LAMA1: variants seen among roughly 807,000 people sequenced by gnomAD.
LAMA1 encodes the protein laminin subunit alpha-1.
Under a neutral mutation model 348.7 loss-of-function variants are expected in LAMA1, and 219 were observed. That is an observed-to-expected ratio of 0.63 (90% CI 0.56 to 0.70). LAMA1 has a LOEUF of 0.70. LAMA1 is among the 30% of genes least tolerant of loss of function. LAMA1 has a pLI of 0.00. For synonymous variants in LAMA1, 1,487 were observed against 1,491.0 expected, an observed-to-expected ratio of 1.00 and a Z score of 0.06; for missense variants, 3,744 against 3,888.0, an observed-to-expected ratio of 0.96 and a Z score of 0.99.
Position 6,942,163 on chromosome 18 carries a change from G to T in LAMA1, c.9144C>A (p.Ser3048Arg), listed in dbSNP as rs2057501353. 6.2e-7 allele frequency: 1 copy of T among 1,614,056 alleles called. No individual in the cohort carries two copies. Among genetic ancestry groups the T allele is most frequent in the South Asian group, 1.1e-5 (1 of 91,092 alleles). ...GCLRKLALIK[S>R]PQVQSFDFSR... ...TGAAGTCAAAGGACTGCACCTGCGG[G>T]CTCTTAATCAGAGCTAGCTTCCTCA... The change falls in exon 63 of 63, where the codon AGC (serine) becomes AGA (arginine). Residue 3048 changes from serine to arginine, a missense_variant. This residue lies in a region of LAMA1 where 232 missense variants were observed against 264.4 expected (regional missense o/e 0.88). Transcript: ENST00000389658.
intron 6 of LAMA1, among the ~76,000 whole-genome samples, chr18:7,045,555 CTTTT>C (rs558156396): frequency 6.6e-6 from 1 of 151,820 alleles, no homozygotes; most frequent in African/African-American, 2.4e-5. Context: ...ACTGTTAAAT[CTTTT>C]TTTTAAATTT....
intron 2 of LAMA1, 40 bp downstream of exon 2, chr18:7,080,247 A>G: frequency 1.2e-6 from 2 of 1,613,402 alleles, no homozygotes; most frequent in Non-Finnish European, 1.7e-6. Flanking sequence ...CAAAGTGTAC[A>G]TTCCCATGGG....
In LAMA1 at chr18:7,015,795, G is replaced by A. The variant is rs767646512; in HGVS notation, c.3053C>T (p.Pro1018Leu). 6.2e-7 allele frequency: 1 copy of A among 1,614,016 alleles called. No homozygotes were observed. Among genetic ancestry groups the A allele is most frequent in the Non-Finnish European group, 8.5e-7 (1 of 1,179,936 alleles). The part of the protein sequence containing the change: ...DPETGECVCP[P>L]HTQGVKCEEC... ...TTCACACTTCACACCCTGTGTGTGA[G>A]GGGGGCAGACACACTCTCCAGTTTC... Residue 1018 changes from proline (P) to leucine (L), a missense_variant, in exon 22 of 63, where the codon CCT becomes CTT. Pro to Leu is a moderately conservative substitution (Grantham distance 98). Around this residue, in one of 3 missense-constraint regions of LAMA1, gnomAD observed 1,529 missense variants for 1,689.4 expected, o/e 0.91. Transcript: ENST00000389658.
intron 46 of LAMA1, among the ~76,000 whole-genome samples, chr18:6,974,127 G>A (rs2057670757): frequency 6.6e-6 from 1 of 152,156 alleles, no homozygotes; most frequent in African/African-American, 2.4e-5. Context: ...CATTCTAAAG[G>A]TAACCTAAGC....
At position 6,964,804 on chromosome 18, in the gene LAMA1, C is replaced by T; in HGVS notation, c.7196-1G>A. Reference sequence around the variant, plus strand: ...TAGGCATCGATAACTGCTAGCACTCCTAAAAGGAGAGCACAGGCAAGAGAT... The same window carrying T: ...TAGGCATCGATAACTGCTAGCACTCTTAAAAGGAGAGCACAGGCAAGAGAT... On this transcript the variant is annotated splice_acceptor_variant, in intron 50 of 62. Transcript: ENST00000389658. LOFTEE classifies it high-confidence loss of function. 1 of 1,614,028 alleles carries T rather than the reference C, an allele frequency of 6.2e-7. No individual in the cohort carries two copies. Among genetic ancestry groups the T allele is most frequent in the Non-Finnish European group, 8.5e-7 (1 of 1,180,012 alleles).
At position 6,950,800 on chromosome 18, in the gene LAMA1, A is replaced by G; in HGVS notation, c.8379T>C (p.Ser2793=). The G allele has an allele frequency of 6.2e-7, 1 of 1,614,058 alleles. No homozygotes were observed. Among genetic ancestry groups the G allele is most frequent in the Non-Finnish European group, 8.5e-7 (1 of 1,179,976 alleles). ...RTKVSHPALL[S]DGKWHTVKTD... ...ATCGTACCGTGTGCCACTTGCCATC[A>G]CTGAGCAGTGCAGGGTGAGAGACCT... The change falls in exon 58 of 63, where the codon AGT becomes AGC. Residue 2793 remains serine, a synonymous_variant. Coordinates refer to ENST00000389658, the MANE Select transcript of LAMA1 (RefSeq NM_005559.4).
At chr18:7,103,595 C>T (rs2058300033) in intron 1 of LAMA1, among the ~76,000 whole-genome samples, 1 of 151,518 alleles carries the variant, frequency 6.6e-6, no homozygotes, top group African/African-American at 2.4e-5. Context: ...TGGTGGATCA[C>T]CTGAGGTCAG....
intron 56 of LAMA1, chr18:6,956,001 T>C (rs923136254): frequency 9.7e-5 from 30 of 309,202 alleles, no homozygotes; most frequent in African/African-American, 6.3e-4. Flanking sequence ...CGGGCTGTCC[T>C]AAGAGTGCCC....
At chr18:6,952,696 T>A (rs1444983005) in intron 57 of LAMA1, among the ~76,000 whole-genome samples, 2 of 152,240 alleles carry the variant, frequency 1.3e-5, no homozygotes, top group African/African-American at 4.8e-5. Flanking sequence ...TGAGATCTCA[T>A]GCCATCCCAC....
chr18:6,974,861 C>A (rs369785738), intron 46 of LAMA1, 42 bp downstream of exon 46: 2 of 1,612,930 alleles, frequency 1.2e-6, no homozygotes, highest in Admixed American at 1.7e-5. Flanking sequence ...ATGAGACACA[C>A]TTTAAAAAAG....
intron 19 of LAMA1, among the ~76,000 whole-genome samples, chr18:7,022,661 C>T (rs1486273686): frequency 6.6e-6 from 1 of 152,188 alleles, no homozygotes; most frequent in African/African-American, 2.4e-5. Context: ...TCCATAATTT[C>T]AAGGATCGAA....
At chr18:7,032,862 C>T in intron 15 of LAMA1, 122 bp downstream of exon 15, 1 of 754,358 alleles carries the variant, frequency 1.3e-6, no homozygotes, top group Non-Finnish European at 2.3e-6. Context: ...CCAAAAAAGA[C>T]TGAGCCAAAC....
chr18:7,079,938 C>G, intron 3 of LAMA1, 37 bp downstream of exon 3: 1 of 1,426,816 alleles, frequency 7.0e-7, no homozygotes, highest in Non-Finnish European at 9.9e-7. Context: ...AGCTCAGCAG[C>G]CTGTAGACAC....
At chr18:7,037,047 T>G (rs776330366) in intron 12 of LAMA1, among the ~76,000 whole-genome samples, 1 of 152,218 alleles carries the variant, frequency 6.6e-6, no homozygotes, top group Admixed American at 6.5e-5. Context: ...ATCACCAGTT[T>G]GCATTTTCTT....
chr18:7,103,306 G>A (rs1355825344), intron 1 of LAMA1, among the ~76,000 whole-genome samples: 1 of 152,132 alleles, frequency 6.6e-6, no homozygotes, highest in African/African-American at 2.4e-5. Context: ...TCGGGAGGCT[G>A]AGGCAGGAGA....
chr18:7,021,466 C>T (rs2057915038), intron 19 of LAMA1, among the ~76,000 whole-genome samples: 1 of 152,028 alleles, frequency 6.6e-6, no homozygotes, highest in African/African-American at 2.4e-5. Context: ...GTTTGAACTA[C>T]CTTTTCAATT....
chr18:7,050,255 C>T (rs538160748), intron 4 of LAMA1, among the ~76,000 whole-genome samples: 2 of 152,270 alleles, frequency 1.3e-5, no homozygotes, highest in East Asian at 3.9e-4. Context: ...TCTCATTATA[C>T]TCTGACTTCA....
chr18:6,969,142 A>C (rs1178010470), intron 48 of LAMA1, among the ~76,000 whole-genome samples: 1 of 151,308 alleles, frequency 6.6e-6, no homozygotes, highest in Non-Finnish European at 1.5e-5. Context: ...CTCCAGATGC[A>C]CTTTTTTTTT....
Position 6,986,237 on chromosome 18 carries a change from T to C in LAMA1, c.5279A>G (p.Glu1760Gly). 6.2e-7 allele frequency: 1 copy of C among 1,614,190 alleles called. No individual in the cohort carries two copies. Among genetic ancestry groups the C allele is most frequent in the Non-Finnish European group, 8.5e-7 (1 of 1,180,032 alleles). The stretch of plus-strand genomic sequence containing the variant: ...CACGAGCGCCTCAGCCGCCTTTAGT[T>C]CATTGTTGTGCTTTGAAAGGACGTG... ...ASHVLSKHNN[E>G]LKAAEALVRE... The change falls in exon 37 of 63, where the codon GAA becomes GGA. Residue 1760 changes from glutamate to glycine, a missense_variant. Glu to Gly is a moderately conservative substitution (Grantham distance 98). Transcript: ENST00000389658.
Sources: gnomAD v4.1 joint callset for allele counts (sites outside exome capture counted in the v4.1 genomes callset) on GRCh38, gnomAD v4.1.1 for gene constraint, gnomAD v4.1.1 regional missense constraint, MANE v1.5 for transcripts, NCBI Gene and HGNC (gene_info 2026-07-23, HGNC 2026-07-21) for gene names.